SYNE2: variants seen among roughly 807,000 people sequenced by gnomAD.
SYNE2 encodes spectrin repeat containing nuclear envelope protein 2.
In SYNE2, 431 loss-of-function variants were observed where a neutral mutation model predicts 856.3. That is an observed-to-expected ratio of 0.50 (90% confidence interval 0.47 to 0.55). The LOEUF is 0.55. Among genes scored for constraint, SYNE2 ranks in the 20% least tolerant of loss-of-function variants. The pLI is 0.00. For synonymous variants in SYNE2, 2,923 were observed against 2,872.3 expected, an observed-to-expected ratio of 1.02 and a Z score of -0.56; for missense variants, 8,129 against 8,023.2, an observed-to-expected ratio of 1.01 and a Z score of -0.50.
intron 6 of SYNE2, among the ~76,000 whole-genome samples, chr14:63,947,186 G>A (rs1356482292): frequency 6.6e-6 from 1 of 152,008 alleles, no homozygotes; most frequent in African/African-American, 2.4e-5. Context: ...TACTATGAAG[G>A]TATTCTCTTA....
At chr14:64,173,305 G>A (rs2098419510) in intron 94 of SYNE2, among the ~76,000 whole-genome samples, 1 of 152,216 alleles carries the variant, frequency 6.6e-6, no homozygotes, top group Non-Finnish European at 1.5e-5. Flanking sequence ...GACAGAGTTA[G>A]GGAAGACTAA....
chr14:63,867,456 G>A (rs1247810723), intron 1 of SYNE2, among the ~76,000 whole-genome samples: 2 of 151,024 alleles, frequency 1.3e-5, no homozygotes, highest in African/African-American at 2.4e-5. Flanking sequence ...CCAGCACTTT[G>A]GGAGGCCGAG....
At chr14:64,142,704 A>G (rs1001451973) in intron 82 of SYNE2, among the ~76,000 whole-genome samples, 4 of 152,130 alleles carry the variant, frequency 2.6e-5, no homozygotes, top group Non-Finnish European at 4.4e-5. Context: ...CACCTTGCTA[A>G]AATATAGCAC....
At chr14:63,946,966 C>A (rs896044330) in intron 6 of SYNE2, among the ~76,000 whole-genome samples, 1 of 152,070 alleles carries the variant, frequency 6.6e-6, no homozygotes, top group Non-Finnish European at 1.5e-5. Context: ...TCTTCTGCCT[C>A]AGCCTCCTGA....
intron 45 of SYNE2, chr14:64,034,366 A>G (rs2097068264): frequency 5.0e-6 from 2 of 402,284 alleles, no homozygotes; most frequent in Non-Finnish European, 4.4e-6. Context: ...GCTAATTAAT[A>G]CTCACTTCAC....
At chr14:64,158,439 A>T (rs1298510879) in intron 85 of SYNE2, among the ~76,000 whole-genome samples, 186 bp from the exon 86 acceptor site, 1 of 152,202 alleles carries the variant, frequency 6.6e-6, no homozygotes, top group Non-Finnish European at 1.5e-5. Context: ...TCATTCACTC[A>T]TTATAAAACA....
intron 6 of SYNE2, among the ~76,000 whole-genome samples, chr14:63,948,780 G>A (rs868433471): frequency 4.6e-4 from 38 of 81,962 alleles, no homozygotes; most frequent in East Asian, 1.8e-3. Context: ...GTATGTGTGT[G>A]TGTATATATA....
chr14:63,933,822 A>G (rs1490180186), intron 2 of SYNE2, among the ~76,000 whole-genome samples: 1 of 152,188 alleles, frequency 6.6e-6, no homozygotes, highest in Non-Finnish European at 1.5e-5. Context: ...GAAGAGTTTT[A>G]TTAAGTTGCT....
intron 57 of SYNE2, among the ~76,000 whole-genome samples, chr14:64,082,230 A>T (rs1360541080): frequency 6.6e-6 from 1 of 152,178 alleles, no homozygotes; most frequent in Non-Finnish European, 1.5e-5. Flanking sequence ...ATATGATGGG[A>T]TAGTCCCTTC....
intron 86 of SYNE2, 90 bp from the exon 87 acceptor site, chr14:64,159,222 C>A: frequency 6.5e-7 from 1 of 1,535,342 alleles, no homozygotes; most frequent in Non-Finnish European, 9.0e-7. Context: ...AGTGTTATTG[C>A]TACATAGTAG....
chr14:63,768,890 T>C (rs551310899), intron 1 of SYNE2, among the ~76,000 whole-genome samples: 60 of 151,952 alleles, frequency 3.9e-4, no homozygotes, highest in African/African-American at 1.4e-3. Context: ...GACAGGCACC[T>C]AGATGATGAA....
At chr14:64,168,791 G>T (rs2098396153) in intron 92 of SYNE2, 86 bp from the exon 93 acceptor site, 1 of 943,264 alleles carries the variant, frequency 1.1e-6, no homozygotes, top group Admixed American at 1.8e-5. Flanking sequence ...TCCTTTGTAA[G>T]CTTAGATTTT....
At chr14:64,013,032 A>G (rs1219509116) in intron 32 of SYNE2, among the ~76,000 whole-genome samples, 2 of 152,242 alleles carry the variant, frequency 1.3e-5, no homozygotes, top group Non-Finnish European at 2.9e-5. Flanking sequence ...AAGTTAGACT[A>G]GAAGGCTGGA....
At chr14:63,845,711 A>T (rs1890203680) in intron 1 of SYNE2, among the ~76,000 whole-genome samples, 10 of 134,436 alleles carry the variant, frequency 7.4e-5, no homozygotes, top group South Asian at 4.8e-4. Context: ...CTTTTCTTTG[A>T]TTTACTTTGA....
In SYNE2 at chr14:64,123,829, C is replaced by A. The variant is rs568514693; in HGVS notation, c.13423-1250C>A. ...GGTAAATAAGCAGCTAGCCCTGTAGCGTGAATGTTGTTATTACTAAACTGA... is the reference window on the plus strand; with the variant it reads ...GGTAAATAAGCAGCTAGCCCTGTAGAGTGAATGTTGTTATTACTAAACTGA... On this transcript the variant is annotated intron_variant, in intron 70 of 115. Transcript: ENST00000555002. Among the ~76,000 whole-genome samples the A allele has an allele frequency of 4.6e-5, 7 of 151,446 alleles. No homozygotes were observed. The South Asian group carries it at 6.3e-4, about 14-fold the overall frequency.
At chr14:63,873,074 T>C (rs1338226199) in intron 1 of SYNE2, among the ~76,000 whole-genome samples, 4 of 152,220 alleles carry the variant, frequency 2.6e-5, no homozygotes, top group Non-Finnish European at 5.9e-5. Context: ...TGTATTGTTT[T>C]TGTAGTTTTC....
At position 64,007,365 on chromosome 14, in the gene SYNE2, C is replaced by T. The variant is rs2096804613; in HGVS notation, c.4577+143C>T. On this transcript the variant is annotated intron_variant, in intron 31 of 115. Transcript: ENST00000555002. The stretch of plus-strand genomic sequence containing the variant: ...GGATTTCCTGCTGGAGTTCACAGGG[C>T]CAGTGTCTGGGACAAGACCTAGAAT... 1.2e-6 allele frequency: 1 copy of T among 804,470 alleles called. No homozygotes were observed. The highest frequency in any genetic ancestry group is 1.7e-5 in the African/African-American group (1 of 58,540). The allele number at this position is 804,470 out of a possible 1,614,324, so 49.8% of individuals were successfully genotyped here.
chr14:63,873,196 A>C (rs2094628540), intron 1 of SYNE2, among the ~76,000 whole-genome samples: 1 of 152,228 alleles, frequency 6.6e-6, no homozygotes, highest in Non-Finnish European at 1.5e-5. Flanking sequence ...GTATACTCTA[A>C]TCAGACTGAT....
intron 10 of SYNE2, 72 bp downstream of exon 10, chr14:63,964,072 C>A: frequency 1.1e-6 from 1 of 930,168 alleles, no homozygotes; most frequent in Non-Finnish European, 1.7e-6. Flanking sequence ...TTTTAGAAAA[C>A]TCTTTCAGGC....
Sources: allele counts gnomAD v4.1 joint callset (sites outside exome capture counted in the v4.1 genomes callset), GRCh38; gene constraint gnomAD v4.1.1; transcripts MANE v1.5; gene names NCBI Gene and HGNC (gene_info 2026-07-23, HGNC 2026-07-21).